MEGF8: variants seen among roughly 807,000 people sequenced by gnomAD.
The protein encoded by MEGF8 is multiple EGF like domains 8.
MEGF8 carries 156 observed loss-of-function variants against 302.9 expected under a neutral mutation model. That is an observed-to-expected ratio of 0.52 (90% CI 0.45 to 0.59). The LOEUF (loss-of-function observed/expected upper bound fraction) is 0.59. Ranked by LOEUF, MEGF8 falls within the 20% of genes least tolerant of loss-of-function variation. The probability of loss-of-function intolerance (pLI) is 0.00; values close to 1 mark genes in which losing one functional copy is unlikely to be tolerated. For missense variants in MEGF8, 3,345 were observed against 3,964.5 expected, an observed-to-expected ratio of 0.84 and a Z score of 4.20; for synonymous variants, 1,621 against 1,660.5, an observed-to-expected ratio of 0.98 and a Z score of 0.58.
Position 42,344,203 on chromosome 19 carries a change from T to C in MEGF8, c.1788+130T>C. On this transcript the variant is annotated intron_variant, in intron 10 of 41. Transcript: ENST00000251268. This position sits in a 1 kb window ranked among gnomAD's most constrained non-coding sequence, Gnocchi z 4.5. ...TTGTTTTCATGCCGGAGATCCTCCT[T>C]CCTGATTCCTGACTGCGGAGCCCTG... 7.3e-7 allele frequency: 1 copy of C among 1,362,762 alleles called. No individual in the cohort carries two copies. The highest frequency in any genetic ancestry group is 2.5e-5 in the Admixed American group (1 of 40,262). 84.4% of individuals were successfully genotyped at this position (1,362,762 alleles called of 1,614,324 possible). A position where few individuals can be genotyped will look rare whatever the true frequency, so the allele number is the denominator to read the frequency against.
intron 1 of MEGF8, 75 bp downstream of exon 1, chr19:42,326,505 T>C: frequency 6.9e-7 from 1 of 1,458,726 alleles, no homozygotes; most frequent in Non-Finnish European, 9.0e-7. Context: ...ACTCACCACA[T>C]TCCCAGAGCT....
chr19:42,336,983 C>A lies in MEGF8; in HGVS notation c.1390+31C>A. ...GAGGCTCCCCAATCCTGCCTGCCTG[C>A]CTGCTGAGGGCCTGAGCCAACCCTG... On this transcript the variant is annotated intron_variant, in intron 7 of 41. Transcript: ENST00000251268. This position sits in a 1 kb window ranked among gnomAD's most constrained non-coding sequence, Gnocchi z 4.8. 1 of 1,613,666 alleles carries A rather than the reference C, an allele frequency of 6.2e-7. No individual in the cohort carries two copies. Among genetic ancestry groups the A allele is most frequent in the South Asian group, 1.1e-5 (1 of 91,042 alleles).
intron 12 of MEGF8, among the ~76,000 whole-genome samples, chr19:42,345,521 G>A (rs1267424124): frequency 3.9e-5 from 6 of 152,198 alleles, no homozygotes; most frequent in Admixed American, 3.9e-4. Context: ...GACATTTCAT[G>A]TACATGGAGG....
At chr19:42,338,742 A>G (rs2039167739) in intron 8 of MEGF8, among the ~76,000 whole-genome samples, 1 of 150,670 alleles carries the variant, frequency 6.6e-6, no homozygotes, top group Non-Finnish European at 1.5e-5. Context: ...TGCAAAGAAC[A>G]TGATCTCATT....
In MEGF8 at chr19:42,369,082, G is replaced by A; in HGVS notation, c.6641+80G>A. ...GGAGCAGTAATGGATGAGGCCTAGAGCCAAGCAGGACAGAAGAAAAGAAAG... is the reference window on the plus strand; with the variant it reads ...GGAGCAGTAATGGATGAGGCCTAGAACCAAGCAGGACAGAAGAAAAGAAAG... On this transcript the variant is annotated intron_variant, in intron 37 of 41. Transcript: ENST00000251268. The surrounding 1 kb of genome is among the most constrained non-coding windows in gnomAD (Gnocchi z 5.7). The A allele has an allele frequency of 6.5e-7, 1 of 1,541,110 alleles. No homozygotes were observed. The highest frequency in any genetic ancestry group is 1.4e-5 in the African/African-American group (1 of 73,448).
Position 42,350,388 on chromosome 19 carries a change from C to A in MEGF8, c.2736+4C>A. 2 of 1,519,088 alleles carry A rather than the reference C, an allele frequency of 1.3e-6. No homozygotes were observed. Among genetic ancestry groups the A allele is most frequent in the Non-Finnish European group, 1.8e-6 (2 of 1,133,768 alleles). 94.1% of individuals were successfully genotyped at this position (1,519,088 alleles called of 1,614,324 possible). A position where few individuals can be genotyped will look rare whatever the true frequency, so the allele number is the denominator to read the frequency against. On this transcript the variant is annotated splice_donor_region_variant and intron_variant, in intron 15 of 41. Coordinates refer to ENST00000251268, the MANE Select transcript of MEGF8 (RefSeq NM_001271938.2). ...GGACTGCCACGCCTGCACCCAGGTG[C>A]CTGTGGGGCCACCAGGGGAGGTCAC...
chr19:42,336,732 A>G lies in MEGF8; in HGVS notation c.1245-75A>G, dbSNP rs761677976. On this transcript the variant is annotated intron_variant, in intron 6 of 41. Transcript: ENST00000251268. The surrounding 1 kb of genome is among the most constrained non-coding windows in gnomAD (Gnocchi z 4.8). Reference sequence around the variant, plus strand: ...GCCAGTCTCATCCCTGGGTGATCACATGGCTCCTAAGAGCCTGGAGGAGGG... The same window carrying G: ...GCCAGTCTCATCCCTGGGTGATCACGTGGCTCCTAAGAGCCTGGAGGAGGG... The G allele has an allele frequency of 5.8e-5, 88 of 1,510,384 alleles. No individual in the cohort carries two copies. Among genetic ancestry groups the G allele is most frequent in the Non-Finnish European group, 7.5e-5 (85 of 1,129,770 alleles). 93.6% of individuals were successfully genotyped at this position (1,510,384 alleles called of 1,614,324 possible).
At position 42,343,549 on chromosome 19, in the gene MEGF8, C is replaced by T. The variant is rs761889161; in HGVS notation, c.1586C>T (p.Ala529Val). The change falls in exon 9 of 42, where the codon GCT (alanine) becomes GTT (valine). Residue 529 changes from alanine (A) to valine (V), a missense_variant. By Grantham distance (64) the Ala-to-Val change is moderately conservative. Coordinates refer to ENST00000251268, the MANE Select transcript of MEGF8 (RefSeq NM_001271938.2). ...CTTGGTGGCAGCGTCCTGTTGGTGG[C>T]TGGGGGGTACAGCGGCCGGCCCCGT... ...AVLGGSVLLV[A>V]GGYSGRPRGD... is the part of the protein sequence containing the mutation. The T allele has an allele frequency of 1.2e-6, 2 of 1,613,582 alleles. No homozygotes were observed. The highest frequency in any genetic ancestry group is 1.1e-5 in the South Asian group (1 of 91,032).
At position 42,335,294 on chromosome 19, in the gene MEGF8, C is replaced by T. The variant is rs536518932; in HGVS notation, c.740-3C>T. 23 of 1,614,050 alleles carry T rather than the reference C, an allele frequency of 1.4e-5. No homozygotes were observed. In the Admixed American group the frequency reaches 1.5e-4, roughly 11 times the overall value. On this transcript the variant is annotated splice_region_variant and splice_polypyrimidine_tract_variant and intron_variant, in intron 4 of 41. Coordinates refer to ENST00000251268, the MANE Select transcript of MEGF8 (RefSeq NM_001271938.2). ...GGGCATGAGACTATCCACCCCTCCA[C>T]AGGCCAGGACCTCAACAATGCCCTG...
At chr19:42,367,655 G>A (rs961790683) in intron 35 of MEGF8, among the ~76,000 whole-genome samples, 2 of 152,150 alleles carry the variant, frequency 1.3e-5, no homozygotes, top group African/African-American at 4.8e-5. Flanking sequence ...TTACCTGGAA[G>A]AAACAGAAGT....
rs933352520 is a variant in MEGF8, at chr19:42,352,772, G to A, written c.3351-156G>A. 4.6e-6 allele frequency: 3 copies of A among 654,206 alleles called. No individual in the cohort carries two copies. The African/African-American group carries it at 5.5e-5, about 12-fold the overall frequency. 40.5% of individuals were successfully genotyped at this position (654,206 alleles called of 1,614,324 possible). On this transcript the variant is annotated intron_variant, in intron 19 of 41. Transcript: ENST00000251268. The surrounding 1 kb of genome is among the most constrained non-coding windows in gnomAD (Gnocchi z 4.4). ...TTGCTATAGAGACAGGCTTGGTGAT[G>A]CATGGAGTTACCTTGGAGACAGGGT...
intron 34 of MEGF8, 81 bp downstream of exon 34, chr19:42,362,678 G>A: frequency 6.6e-7 from 1 of 1,504,402 alleles, no homozygotes; most frequent in Non-Finnish European, 9.1e-7. Flanking sequence ...CTGGGGGCCT[G>A]GTCTCCTGGG....
In MEGF8 at chr19:42,376,406, C is replaced by T. The variant is rs138179740; in HGVS notation, c.8169C>T (p.Pro2723=). 109 of 1,612,694 alleles carry T rather than the reference C, an allele frequency of 6.8e-5. No homozygotes were observed. The highest frequency in any genetic ancestry group is 1.6e-4 in the Middle Eastern group (1 of 6,062). The change falls in exon 42 of 42, where the codon CCC becomes CCT. Residue 2723 remains proline, a synonymous_variant. Transcript: ENST00000251268. This position sits in a 1 kb window ranked among gnomAD's most constrained non-coding sequence, Gnocchi z 8.2. The part of the protein sequence containing the change: ...SAWKPAGLPP[P]AFRRSEPFLA... Reference sequence around the variant, plus strand: ...GGAAGCCGGCTGGGCTCCCACCTCCCGCCTTCCGCCGCTCTGAGCCCTTCC... The same window carrying T: ...GGAAGCCGGCTGGGCTCCCACCTCCTGCCTTCCGCCGCTCTGAGCCCTTCC...
In MEGF8 at chr19:42,348,400, G is replaced by C; in HGVS notation, c.2226G>C (p.Val742=). Residue 742 remains valine (V), a synonymous_variant, in exon 13 of 42, where the codon GTG becomes GTC. Coordinates refer to ENST00000251268, the MANE Select transcript of MEGF8 (RefSeq NM_001271938.2). ...GGPGGPGAED[V]AVWTRAQRLH... ...CAGGTGGACCAGGGGCTGAGGACGT[G>C]GCCGTGTGGACGCGGGCCCAGCGCC... 6.5e-7 allele frequency: 1 copy of C among 1,537,024 alleles called. No homozygotes were observed. Among genetic ancestry groups the C allele is most frequent in the Non-Finnish European group, 8.7e-7 (1 of 1,146,690 alleles).
In MEGF8 at chr19:42,353,445, A is replaced by T; in HGVS notation, c.3551-20A>T. 6.2e-7 allele frequency: 1 copy of T among 1,607,322 alleles called. No homozygotes were observed. The highest frequency in any genetic ancestry group is 8.5e-7 in the Non-Finnish European group (1 of 1,178,222). On this transcript the variant is annotated intron_variant, in intron 20 of 41. Transcript: ENST00000251268. This position sits in a 1 kb window ranked among gnomAD's most constrained non-coding sequence, Gnocchi z 6.1. ...TCCACCCTTGACTTGACTCTGTCCC[A>T]CCTGCTGGGGCCTCCACAGACTGGA...
chr19:42,372,141 C>T (rs906336067), intron 41 of MEGF8, among the ~76,000 whole-genome samples: 1 of 152,062 alleles, frequency 6.6e-6, no homozygotes, highest in Non-Finnish European at 1.5e-5. Flanking sequence ...AACTGAGGGT[C>T]TGGGGTCTGC....
In MEGF8 at chr19:42,352,548, C is replaced by T. The variant is rs1326108613; in HGVS notation, c.3350+92C>T. 2 of 1,435,330 alleles carry T rather than the reference C, an allele frequency of 1.4e-6. No individual in the cohort carries two copies. The highest frequency in any genetic ancestry group is 2.9e-5 in the African/African-American group (2 of 70,080). 88.9% of individuals were successfully genotyped at this position (1,435,330 alleles called of 1,614,324 possible). A position where few individuals can be genotyped will look rare whatever the true frequency, so the allele number is the denominator to read the frequency against. Reference sequence around the variant, plus strand: ...AAGCCATCATGGCGCTGGGTCCCCTCCTGTGGAACCAGCATCCCCAGTTAG... The same window carrying T: ...AAGCCATCATGGCGCTGGGTCCCCTTCTGTGGAACCAGCATCCCCAGTTAG... On this transcript the variant is annotated intron_variant, in intron 19 of 41. Coordinates refer to ENST00000251268, the MANE Select transcript of MEGF8 (RefSeq NM_001271938.2). This position sits in a 1 kb window ranked among gnomAD's most constrained non-coding sequence, Gnocchi z 4.4.
At chr19:42,328,630 C>T (rs1237927637) in intron 1 of MEGF8, among the ~76,000 whole-genome samples, 1 of 144,182 alleles carries the variant, frequency 6.9e-6, no homozygotes, top group African/African-American at 2.7e-5. Flanking sequence ...CACTCTCTGG[C>T]CTTAAAGAGT....
At position 42,358,202 on chromosome 19, in the gene MEGF8, G is replaced by A. The variant is rs753659128; in HGVS notation, c.5070G>A (p.Gly1690=). 5 of 1,603,482 alleles carry A rather than the reference G, an allele frequency of 3.1e-6. No individual in the cohort carries two copies. The South Asian group carries it at 4.5e-5, about 14-fold the overall frequency. Residue 1690 remains glycine, a synonymous_variant, in exon 29 of 42, where the codon GGG becomes GGA. Coordinates refer to ENST00000251268, the MANE Select transcript of MEGF8 (RefSeq NM_001271938.2). The surrounding 1 kb of genome is among the most constrained non-coding windows in gnomAD (Gnocchi z 4.4). ...CCACCGACTCCCTCTACGTGTTTGG[G>A]GGGTTCCGATTCCATGTGGAGCTGG... ...HEATDSLYVF[G]GFRFHVELAA...
Sources: gnomAD v4.1 joint callset for allele counts (sites outside exome capture counted in the v4.1 genomes callset) on GRCh38, gnomAD v4.1.1 for gene constraint, Gnocchi (gnomAD v3.1) non-coding constraint, MANE v1.5 for transcripts, NCBI Gene and HGNC (gene_info 2026-07-23, HGNC 2026-07-21) for gene names.